The following STS variants were observed in gnomAD, a reference collection of about 807,000 sequenced individuals.
STS encodes steroid sulfatase, also known as steryl-sulfatase.
STS carries 7 observed loss-of-function variants against 26.8 expected under a neutral mutation model. The ratio of observed to expected loss-of-function variants is 0.26; its 90% confidence interval spans 0.15 to 0.49. STS has a LOEUF of 0.49. Among genes scored for constraint, STS ranks in the 20% least tolerant of loss-of-function variants. The pLI is 0.98. For missense variants in STS, 434 were observed against 465.6 expected (o/e 0.93, Z 0.63); for synonymous variants, 199 against 189.4 (o/e 1.05, Z -0.42).
At chrX:7,328,761 A>T (rs1927608203) in intron 9 of STS, among the ~76,000 whole-genome samples, 1 of 110,647 alleles carries the variant, frequency 9.0e-6, no homozygotes, top group African/African-American at 3.3e-5. Flanking sequence ...GGGTTTCACT[A>T]TGTTGGCCAG....
chrX:7,240,760 A>G (rs1217107149), intron 2 of STS, among the ~76,000 whole-genome samples: 3 of 108,256 alleles, frequency 2.8e-5, no homozygotes, highest in Admixed American at 2.0e-4. Context: ...AAATCGGCTC[A>G]GTTCTCTCCA....
chrX:7,249,150 G>A (rs1923023949), intron 2 of STS, among the ~76,000 whole-genome samples: 2 of 110,658 alleles, frequency 1.8e-5, no homozygotes. Context: ...TAGCCAGGGA[G>A]CCTGCATTAG....
intron 6 of STS, among the ~76,000 whole-genome samples, chrX:7,272,066 C>A (rs940057014): frequency 1.8e-5 from 2 of 110,054 alleles, no homozygotes. Context: ...TAGCAAAATA[C>A]AAAATGCATT....
chrX:7,326,886 C>CTTCCTT (rs1927503293), intron 9 of STS, among the ~76,000 whole-genome samples: 1 of 111,671 alleles, frequency 9.0e-6, no homozygotes, highest in African/African-American at 3.3e-5. Flanking sequence ...CTGGTTTCAA[C>CTTCCTT]TCTGCTTTAG....
intron 6 of STS, among the ~76,000 whole-genome samples, chrX:7,261,688 T>TA (rs1391060799): frequency 9.0e-6 from 1 of 111,564 alleles, no homozygotes; most frequent in Non-Finnish European, 1.9e-5. Context: ...CACCTGGAGG[T>TA]ACAACAGTGT....
chrX:7,292,388 A>G (rs1202834944), intron 7 of STS, among the ~76,000 whole-genome samples: 1 of 112,260 alleles, frequency 8.9e-6, no homozygotes, highest in Non-Finnish European at 1.9e-5. Context: ...AGTTTGGGAG[A>G]TGGAAAGGGA....
intron 8 of STS, among the ~76,000 whole-genome samples, chrX:7,324,318 G>A (rs1346676284): frequency 1.8e-5 from 2 of 110,644 alleles, no homozygotes; most frequent in Non-Finnish European, 3.8e-5. Context: ...AGGTTCTTAT[G>A]ATGCAGATGA....
chrX:7,192,615 G>A (rs904604947), intron 2 of STS, among the ~76,000 whole-genome samples: 5 of 111,160 alleles, frequency 4.5e-5, no homozygotes, highest in South Asian at 3.8e-4. Context: ...CTTATGAAAC[G>A]TAAAAGATGA....
At chrX:7,307,043 G>A (rs1373430300) in intron 8 of STS, among the ~76,000 whole-genome samples, 4 of 111,307 alleles carry the variant, frequency 3.6e-5, no homozygotes, top group African/African-American at 1.3e-4. Context: ...GGCAGGAACC[G>A]TCTCCTACAC....
chrX:7,156,966 T>G (rs1253629336), intron 1 of STS, among the ~76,000 whole-genome samples: 1 of 111,576 alleles, frequency 9.0e-6, no homozygotes, highest in Non-Finnish European at 1.9e-5. Context: ...GCACTTTTGG[T>G]GTTTTAATGT....
At chrX:7,283,622 T>C (rs1477423428) in intron 7 of STS, among the ~76,000 whole-genome samples, 1 of 110,604 alleles carries the variant, frequency 9.0e-6, no homozygotes, top group African/African-American at 3.3e-5. Flanking sequence ...GGTATGTGGA[T>C]TTTCAGTTCA....
At chrX:7,164,652 C>T (rs1448750801) in intron 1 of STS, among the ~76,000 whole-genome samples, 1 of 109,530 alleles carries the variant, frequency 9.1e-6, no homozygotes, top group Non-Finnish European at 1.9e-5. Flanking sequence ...CTATGGCTTG[C>T]GGCTATTAAA....
chrX:7,213,958 G>T (rs1170534520), intron 2 of STS, among the ~76,000 whole-genome samples: 1 of 110,775 alleles, frequency 9.0e-6, no homozygotes, highest in African/African-American at 3.3e-5. Context: ...TGGTACCTGC[G>T]TGTAGTCCCA....
chrX:7,325,559 T>G (rs1301427471), intron 9 of STS, 61 bp downstream of exon 9: 2 of 1,167,037 alleles, frequency 1.7e-6, no homozygotes, highest in African/African-American at 3.5e-5. Context: ...CAGTATGCTC[T>G]GGTTTGCCTG....
intron 1 of STS, among the ~76,000 whole-genome samples, chrX:7,175,038 G>T (rs1201643267): frequency 9.0e-6 from 1 of 110,764 alleles, no homozygotes; most frequent in Non-Finnish European, 1.9e-5. Flanking sequence ...CAATACCTTT[G>T]TGATGATTAA....
intron 7 of STS, among the ~76,000 whole-genome samples, chrX:7,300,350 T>TCAGTGTCA (rs1226641326): frequency 8.9e-6 from 1 of 112,059 alleles, no homozygotes; most frequent in Non-Finnish European, 1.9e-5. Flanking sequence ...TCTATATAAA[T>TCAGTGTCA]CAGTGTCATT....
chrX:7,204,406 C>T (rs942284727), intron 2 of STS, among the ~76,000 whole-genome samples: 3 of 111,172 alleles, frequency 2.7e-5, no homozygotes, highest in Admixed American at 1.9e-4. Context: ...TTTTCTCATT[C>T]ATCATTTGTC....
At chrX:7,251,134 TG>T (rs1424906309) in intron 2 of STS, among the ~76,000 whole-genome samples, 2 of 111,994 alleles carry the variant, frequency 1.8e-5, no homozygotes, top group Non-Finnish European at 1.9e-5. Flanking sequence ...AGCTCTTGGC[TG>T]GCAAAGCCCC....
At chrX:7,203,909 C>G (rs189758578) in intron 2 of STS, among the ~76,000 whole-genome samples, 3 of 111,286 alleles carry the variant, frequency 2.7e-5, no homozygotes, top group East Asian at 5.7e-4. Context: ...CTCAGCTTCC[C>G]AAGTAGGTGG....
Sources: allele counts gnomAD v4.1 joint callset (sites outside exome capture counted in the v4.1 genomes callset), GRCh38; gene constraint gnomAD v4.1.1; transcripts MANE v1.5; gene names NCBI Gene and HGNC (gene_info 2026-07-23, HGNC 2026-07-21).